ADK: variants seen among roughly 807,000 people sequenced by gnomAD.
The protein encoded by ADK is N6,N6-dimethyladenosine kinase.
ADK carries 24 observed loss-of-function variants against 44.7 expected under a neutral mutation model. The ratio of observed to expected loss-of-function variants is 0.54; its 90% CI spans 0.39 to 0.76. The LOEUF (loss-of-function observed/expected upper bound fraction) is 0.76. ADK is among the 30% of genes least tolerant of loss of function. The pLI, the probability that ADK is intolerant of heterozygous loss-of-function variation, is 0.00. For synonymous variants in ADK, 128 were observed against 142.6 expected (o/e 0.90, Z 0.73); for missense variants, 321 against 425.1 (o/e 0.76, Z 2.15).
chr10:74,290,078 G>GCGCGCACACA (rs113592873), intron 3 of ADK, among the ~76,000 whole-genome samples: 1,542 of 149,102 alleles, frequency 0.01, 28 homozygotes, highest in African/African-American at 0.036. Context: ...CTACTCACGC[G>GCGCGCACACA]CACACACACA....
intron 6 of ADK, among the ~76,000 whole-genome samples, chr10:74,445,493 T>C (rs1405649053): frequency 6.6e-6 from 1 of 152,036 alleles, no homozygotes. Flanking sequence ...TTCCTTTATA[T>C]ATTCCTTTAC....
At chr10:74,197,735 A>T (rs957971196) in intron 1 of ADK, among the ~76,000 whole-genome samples, 4 of 151,372 alleles carry the variant, frequency 2.6e-5, no homozygotes, top group African/African-American at 4.9e-5. Flanking sequence ...ACTGAGACTC[A>T]GAAGTGAATT....
chr10:74,674,776 G>C (rs1457424433), intron 10 of ADK, among the ~76,000 whole-genome samples: 1 of 152,124 alleles, frequency 6.6e-6, no homozygotes, highest in Non-Finnish European at 1.5e-5. Context: ...CAGCAACTTG[G>C]GTGGCTGAGG....
At chr10:74,332,740 A>G (rs1426440065) in intron 4 of ADK, among the ~76,000 whole-genome samples, 1 of 152,212 alleles carries the variant, frequency 6.6e-6, no homozygotes, top group Non-Finnish European at 1.5e-5. Context: ...TTTGAAGAGT[A>G]TTACTTTATC....
intron 6 of ADK, among the ~76,000 whole-genome samples, chr10:74,436,075 G>A (rs1401838351): frequency 2.0e-5 from 3 of 152,154 alleles, no homozygotes; most frequent in African/African-American, 7.2e-5. Context: ...AATGCATACA[G>A]CAATTTGTGT....
chr10:74,430,684 C>A (rs961963919), intron 6 of ADK, among the ~76,000 whole-genome samples: 1 of 152,028 alleles, frequency 6.6e-6, no homozygotes, highest in African/African-American at 2.4e-5. Context: ...TCTACCACCT[C>A]TCAATATATA....
chr10:74,430,267 A>G (rs1021911759), intron 6 of ADK, among the ~76,000 whole-genome samples: 1 of 152,214 alleles, frequency 6.6e-6, no homozygotes, highest in Non-Finnish European at 1.5e-5. Flanking sequence ...TTACAAAACT[A>G]TAGAACCATA....
At chr10:74,592,382 C>G (rs548212227) in intron 8 of ADK, among the ~76,000 whole-genome samples, 1 of 152,076 alleles carries the variant, frequency 6.6e-6, no homozygotes, top group East Asian at 1.9e-4. Context: ...TGCTCAAAAG[C>G]ATGTTTCATT....
At chr10:74,694,358 C>G (rs1177184822) in intron 10 of ADK, among the ~76,000 whole-genome samples, 2 of 150,626 alleles carry the variant, frequency 1.3e-5, no homozygotes, top group African/African-American at 2.4e-5. Flanking sequence ...GGAGACCAGC[C>G]TGGGCAACCT....
intron 9 of ADK, among the ~76,000 whole-genome samples, chr10:74,632,129 C>A (rs1446474852): frequency 6.6e-6 from 1 of 152,162 alleles, no homozygotes; most frequent in East Asian, 1.9e-4. Flanking sequence ...TTCTCCCAAC[C>A]TTAAGCAACG....
chr10:74,614,282 G>A (rs1852664592), intron 9 of ADK, among the ~76,000 whole-genome samples: 1 of 152,000 alleles, frequency 6.6e-6, no homozygotes, highest in African/African-American at 2.4e-5. Flanking sequence ...GCAGATATAA[G>A]CCCTATTATA....
chr10:74,197,697 AAAAAAAAAAAAAAG>A (rs1419318590), intron 1 of ADK, among the ~76,000 whole-genome samples: 1 of 94,448 alleles, frequency 1.1e-5, no homozygotes, highest in Non-Finnish European at 2.6e-5. Context: ...GACTCCGTCT[AAAAAAAAAAAAAAG>A]AAAAAAAAAA....
chr10:74,566,596 T>C (rs969900066), intron 7 of ADK, among the ~76,000 whole-genome samples: 2 of 152,212 alleles, frequency 1.3e-5, no homozygotes, highest in South Asian at 2.1e-4. Context: ...AGTTATAAAA[T>C]CAGAAATTCT....
Position 74,187,332 on chromosome 10 carries a change from T to C in ADK, c.66-13432T>C, listed in dbSNP as rs1168147744. Among the ~76,000 whole-genome samples, 5 of 152,298 alleles carry C rather than the reference T, an allele frequency of 3.3e-5. No homozygotes were observed. In the South Asian group the frequency reaches 1.0e-3, roughly 32 times the overall value. On this transcript the variant is annotated intron_variant, in intron 1 of 10. Coordinates refer to ENST00000539909, the MANE Select transcript of ADK (RefSeq NM_006721.4). ...GATAGATATTTGGATTATTTTCACT[T>C]TTGGGCTATTATGAACAATGGTGCT...
intron 7 of ADK, among the ~76,000 whole-genome samples, chr10:74,535,528 A>G (rs547199790): frequency 6.6e-6 from 1 of 152,102 alleles, no homozygotes; most frequent in African/African-American, 2.4e-5. Context: ...GTGGTTCTAC[A>G]AGAAAAACTC....
chr10:74,427,592 CAT>C (rs1450401301), intron 6 of ADK, among the ~76,000 whole-genome samples: 12 of 152,196 alleles, frequency 7.9e-5, no homozygotes, highest in African/African-American at 2.7e-4. Context: ...AAGGGACAAA[CAT>C]ATAGACAGGA....
chr10:74,440,659 T>C (rs1845373089), intron 6 of ADK, among the ~76,000 whole-genome samples: 1 of 152,154 alleles, frequency 6.6e-6, no homozygotes, highest in South Asian at 2.1e-4. Context: ...GAAAAATCTC[T>C]GGCCTAGTCA....
chr10:74,426,349 G>A (rs193093049), intron 6 of ADK, among the ~76,000 whole-genome samples: 2 of 152,242 alleles, frequency 1.3e-5, no homozygotes, highest in East Asian at 3.9e-4. Context: ...CAAAATATTG[G>A]AAACCATATA....
intron 3 of ADK, among the ~76,000 whole-genome samples, chr10:74,224,797 A>G (rs988869601): frequency 6.6e-6 from 1 of 152,256 alleles, no homozygotes; most frequent in African/African-American, 2.4e-5. Context: ...CTGTATTCAC[A>G]TTAAAAGATG....
Sources: allele counts gnomAD v4.1 joint callset (sites outside exome capture counted in the v4.1 genomes callset), GRCh38; gene constraint gnomAD v4.1.1; transcripts MANE v1.5; gene names NCBI Gene and HGNC (gene_info 2026-07-23, HGNC 2026-07-21).